CRACD: variants seen among roughly 807,000 people sequenced by gnomAD.
CRACD encodes capping protein-inhibiting regulator of actin dynamics.
CRACD carries 56 observed loss-of-function variants against 106.8 expected under a neutral mutation model. The ratio of observed to expected loss-of-function variants is 0.52; its 90% confidence interval spans 0.42 to 0.66. The LOEUF (loss-of-function observed/expected upper bound fraction) is 0.66, where lower values mean the gene tolerates loss of function less well. CRACD is among the 30% of genes least tolerant of loss of function. The probability of loss-of-function intolerance (pLI) is 0.00; values close to 1 mark genes in which losing one functional copy is unlikely to be tolerated. For missense variants in CRACD, 1,730 were observed against 1,623.2 expected (o/e 1.07, Z -1.13); for synonymous variants, 754 against 670.8 (o/e 1.12, Z -1.92).
Position 56,313,320 on chromosome 4 carries a change from A to G in CRACD, c.478A>G (p.Lys160Glu). Residue 160 changes from lysine to glutamate, a missense_variant, in exon 7 of 11, where the codon AAG (lysine) becomes GAG (glutamate). By Grantham distance (56) the Lys-to-Glu change is moderately conservative. This residue lies in a region of CRACD where 1,620 missense variants were observed against 1,481.6 expected (regional missense o/e 1.09). Coordinates refer to ENST00000682029, the MANE Select transcript of CRACD (RefSeq NM_001393381.1). ...CCTGGACAACAGTGCCGCCAAGCAC[A>G]AGCTGGCTGTTAAGCCAAAAAAACA... is the stretch of plus-strand genomic sequence containing the variant. ...ARLDNSAAKHKLAVKPKKQRV... is the reference protein window; with the variant it reads ...ARLDNSAAKHELAVKPKKQRV... The G allele has an allele frequency of 6.2e-7, 1 of 1,614,240 alleles. No homozygotes were observed. Among genetic ancestry groups the G allele is most frequent in the Non-Finnish European group, 8.5e-7 (1 of 1,180,038 alleles).
At chr4:56,230,616 T>TC (rs1376050029) in intron 2 of CRACD, among the ~76,000 whole-genome samples, 1 of 152,186 alleles carries the variant, frequency 6.6e-6, no homozygotes, top group African/African-American at 2.4e-5. Context: ...GAGCAGTGTT[T>TC]CTGAAAGATT....
chr4:56,155,460 C>T (rs891947719), intron 1 of CRACD, among the ~76,000 whole-genome samples: 1 of 152,184 alleles, frequency 6.6e-6, no homozygotes, highest in South Asian at 2.1e-4. Flanking sequence ...AGGAAGGAGA[C>T]TGAGTATTTG....
intron 1 of CRACD, among the ~76,000 whole-genome samples, chr4:56,070,458 T>C (rs9995192): frequency 0.99 from 151,126 of 152,284 alleles, 74,992 homozygotes; most frequent in East Asian, 1. Flanking sequence ...CGCCATCGCA[T>C]CCGGCTAATT....
At position 56,316,477 on chromosome 4, in the gene CRACD, G is replaced by C. The variant is rs1171217112; in HGVS notation, c.2975G>C (p.Arg992Pro). 2.2e-5 allele frequency: 35 copies of C among 1,613,736 alleles called. No individual in the cohort carries two copies. Among genetic ancestry groups the C allele is most frequent in the Non-Finnish European group, 2.7e-5 (32 of 1,179,844 alleles). ...RPYLVELLSR[R>P]AGRPDPEPSE... ...TACTTGGTAGAGCTGCTGTCTCGCCGAGCGGGGAGGCCGGACCCAGAGCCA... is the reference window on the plus strand; with the variant it reads ...TACTTGGTAGAGCTGCTGTCTCGCCCAGCGGGGAGGCCGGACCCAGAGCCA... The change falls in exon 8 of 11, where the codon CGA becomes CCA. Residue 992 changes from arginine to proline, a missense_variant. Transcript: ENST00000682029.
intron 1 of CRACD, among the ~76,000 whole-genome samples, chr4:56,072,833 TTTATGA>T (rs1732710518): frequency 6.6e-6 from 1 of 152,020 alleles, no homozygotes; most frequent in Non-Finnish European, 1.5e-5. Context: ...TCAATTCCCA[TTTATGA>T]GTGAGAACAT....
chr4:56,215,606 C>T (rs990257632), intron 2 of CRACD, among the ~76,000 whole-genome samples: 2 of 152,172 alleles, frequency 1.3e-5, no homozygotes, highest in African/African-American at 2.4e-5. Flanking sequence ...AGTCTGTCAC[C>T]TGTTTATGCC....
intron 1 of CRACD, among the ~76,000 whole-genome samples, chr4:56,176,042 C>T (rs759362051): frequency 1.5e-4 from 23 of 152,120 alleles, no homozygotes; most frequent in Non-Finnish European, 2.9e-4. Context: ...ACTGTTTTCT[C>T]CCCAGTGTGT....
At chr4:56,187,377 C>T (rs1424722720) in intron 2 of CRACD, among the ~76,000 whole-genome samples, 2 of 152,120 alleles carry the variant, frequency 1.3e-5, no homozygotes, top group Non-Finnish European at 2.9e-5. Context: ...GGCACACAAT[C>T]TCCGCAGGTC....
At chr4:56,077,155 T>C (rs1337457639) in intron 1 of CRACD, among the ~76,000 whole-genome samples, 1 of 152,186 alleles carries the variant, frequency 6.6e-6, no homozygotes, top group African/African-American at 2.4e-5. Context: ...GAGGTTTAAT[T>C]GACTCACAGT....
chr4:56,111,545 T>C (rs1330153320), intron 1 of CRACD, among the ~76,000 whole-genome samples: 1 of 152,216 alleles, frequency 6.6e-6, no homozygotes, highest in African/African-American at 2.4e-5. Flanking sequence ...TTAAAAACTA[T>C]ATGTATATAT....
chr4:56,107,639 C>T (rs995901928), intron 1 of CRACD, among the ~76,000 whole-genome samples: 1 of 152,130 alleles, frequency 6.6e-6, no homozygotes, highest in African/African-American at 2.4e-5. Flanking sequence ...TCCTTCTTTT[C>T]AAGTTTCGAA....
chr4:56,263,088 C>T (rs1741805047), intron 2 of CRACD, among the ~76,000 whole-genome samples: 1 of 152,162 alleles, frequency 6.6e-6, no homozygotes, highest in Non-Finnish European at 1.5e-5. Context: ...GGCTACCACA[C>T]TCTTTGTGCT....
At chr4:56,052,963 G>A (rs1731925021) in intron 1 of CRACD, among the ~76,000 whole-genome samples, 1 of 152,110 alleles carries the variant, frequency 6.6e-6, no homozygotes, top group Non-Finnish European at 1.5e-5. Flanking sequence ...TTCAACTTAG[G>A]GAAGTTAAGG....
chr4:56,320,826 A>G (rs1443558274), intron 8 of CRACD: 2 of 155,870 alleles, frequency 1.3e-5, no homozygotes, highest in Non-Finnish European at 2.9e-5. Context: ...AGGCCCTTCC[A>G]CCAGCTTCAT....
intron 5 of CRACD, among the ~76,000 whole-genome samples, chr4:56,309,540 A>G (rs1744985168): frequency 6.6e-6 from 1 of 152,110 alleles, no homozygotes; most frequent in Admixed American, 6.5e-5. Context: ...AACATTTTGT[A>G]GAGACCTCAT....
At chr4:56,085,027 T>A (rs1363202462) in intron 1 of CRACD, among the ~76,000 whole-genome samples, 1 of 152,218 alleles carries the variant, frequency 6.6e-6, no homozygotes, top group Non-Finnish European at 1.5e-5. Context: ...GGTTGCCATG[T>A]AACTCCACAG....
At chr4:56,099,390 C>A (rs1356071948) in intron 1 of CRACD, among the ~76,000 whole-genome samples, 1 of 152,302 alleles carries the variant, frequency 6.6e-6, no homozygotes, top group Non-Finnish European at 1.5e-5. Context: ...GATGTACTCA[C>A]TTGCCTTTGT....
At chr4:56,130,028 CT>C (rs1392819647) in intron 1 of CRACD, among the ~76,000 whole-genome samples, 2 of 152,106 alleles carry the variant, frequency 1.3e-5, no homozygotes, top group Non-Finnish European at 2.9e-5. Flanking sequence ...AGTCATGGCA[CT>C]TTGGGAGGCT....
At chr4:56,326,294 A>C (rs535902431) in intron 10 of CRACD, among the ~76,000 whole-genome samples, 6 of 152,216 alleles carry the variant, frequency 3.9e-5, no homozygotes, top group Admixed American at 1.3e-4. Flanking sequence ...ATTTGATTTT[A>C]CTTATAGGAA....
Sources: gnomAD v4.1 joint callset for allele counts (sites outside exome capture counted in the v4.1 genomes callset) on GRCh38, gnomAD v4.1.1 for gene constraint, gnomAD v4.1.1 regional missense constraint, MANE v1.5 for transcripts, NCBI Gene and HGNC (gene_info 2026-07-23, HGNC 2026-07-21) for gene names.